The following STAG1 variants were observed in gnomAD, a reference collection of about 807,000 sequenced individuals.
The protein encoded by STAG1 is STAG1 cohesin complex component, also known as cohesin subunit SA-1.
In STAG1, 26 loss-of-function variants were observed where a neutral mutation model predicts 170.9. The observed-to-expected ratio is 0.15, with a 90% CI of 0.11 to 0.21. The LOEUF (loss-of-function observed/expected upper bound fraction) is 0.21. Among genes scored for constraint, STAG1 ranks in the 10% least tolerant of loss-of-function variants. The pLI, the probability that STAG1 is intolerant of heterozygous loss-of-function variation, is 1.00. For missense variants in STAG1, 964 were observed against 1,509.5 expected (o/e 0.64, Z 5.99); for synonymous variants, 514 against 497.7 (o/e 1.03, Z -0.44).
chr3:136,429,705 A>G (rs1386512519), intron 16 of STAG1, among the ~76,000 whole-genome samples: 3 of 152,170 alleles, frequency 2.0e-5, no homozygotes, highest in Non-Finnish European at 2.9e-5. Context: ...GTAAAGTTAC[A>G]GTGAGTGTAC....
At chr3:136,455,887 T>A (rs1194035182) in intron 13 of STAG1, among the ~76,000 whole-genome samples, 2 of 152,128 alleles carry the variant, frequency 1.3e-5, no homozygotes, top group African/African-American at 4.8e-5. Flanking sequence ...GTGTTTAAGC[T>A]CCAGTACTAA....
chr3:136,375,997 T>TAAATAAATAAAA (rs1937582122), intron 23 of STAG1, among the ~76,000 whole-genome samples: 1 of 60,948 alleles, frequency 1.6e-5, no homozygotes, highest in African/African-American at 4.1e-5. Flanking sequence ...AATAAATAAA[T>TAAATAAATAAAA]AAATAAATAA....
At chr3:136,378,012 T>A (rs188913898) in intron 22 of STAG1, among the ~76,000 whole-genome samples, 1 of 152,346 alleles carries the variant, frequency 6.6e-6, no homozygotes, top group East Asian at 1.9e-4. Flanking sequence ...ATTTCCTTTA[T>A]AAATATGGTT....
chr3:136,619,574 T>C (rs1939748438), intron 3 of STAG1, among the ~76,000 whole-genome samples: 1 of 151,416 alleles, frequency 6.6e-6, no homozygotes, highest in Non-Finnish European at 1.5e-5. Context: ...CTGGCCAACA[T>C]GGTGAAACCC....
intron 1 of STAG1, among the ~76,000 whole-genome samples, chr3:136,637,871 CA>C (rs1477210995): frequency 1.0e-4 from 15 of 150,718 alleles, no homozygotes; most frequent in African/African-American, 3.4e-4. Context: ...TGTGTGAACA[CA>C]TTTTTTTTTT....
intron 4 of STAG1, among the ~76,000 whole-genome samples, chr3:136,579,679 G>GA (rs1272922191): frequency 2.6e-5 from 4 of 152,130 alleles, no homozygotes; most frequent in African/African-American, 9.7e-5. Flanking sequence ...TGACTGCCCT[G>GA]AAACTTTATT....
intron 1 of STAG1, among the ~76,000 whole-genome samples, chr3:136,697,303 G>A (rs1433717772): frequency 1.3e-5 from 2 of 152,058 alleles, no homozygotes; most frequent in Admixed American, 6.5e-5. Context: ...CCCAGTCAGG[G>A]TACAGTTCTC....
At chr3:136,454,081 C>A (rs1031388834) in intron 13 of STAG1, among the ~76,000 whole-genome samples, 3 of 152,052 alleles carry the variant, frequency 2.0e-5, no homozygotes, top group Admixed American at 1.3e-4. Context: ...TCCCTGATAA[C>A]TGAAATATAC....
At chr3:136,386,577 G>A (rs534353667) in intron 22 of STAG1, among the ~76,000 whole-genome samples, 1 of 152,158 alleles carries the variant, frequency 6.6e-6, no homozygotes, top group African/African-American at 2.4e-5. Context: ...GAAAGGTAAG[G>A]GAGTTTAATA....
intron 1 of STAG1, among the ~76,000 whole-genome samples, chr3:136,714,631 G>C (rs1041397724): frequency 3.9e-5 from 6 of 151,930 alleles, no homozygotes; most frequent in Non-Finnish European, 7.4e-5. Flanking sequence ...GGGAGGCTGA[G>C]GCAGGAGAAT....
chr3:136,396,545 T>G (rs1576425073), intron 22 of STAG1, among the ~76,000 whole-genome samples: 1 of 84,244 alleles, frequency 1.2e-5, no homozygotes, highest in Admixed American at 1.8e-4. Flanking sequence ...TTTTTTTTTT[T>G]TGGAGACAGT....
intron 1 of STAG1, among the ~76,000 whole-genome samples, chr3:136,727,558 TA>T (rs771960151): frequency 2.6e-5 from 4 of 152,206 alleles, no homozygotes. Flanking sequence ...CTCGCCCCTT[TA>T]ATCTACCACC....
At position 136,660,066 on chromosome 3, in the gene STAG1, T is replaced by C. The variant is rs374817210; in HGVS notation, c.-83-29085A>G. Among the ~76,000 whole-genome samples the C allele has an allele frequency of 3.2e-4, 48 of 152,358 alleles. No individual in the cohort carries two copies. The South Asian group carries it at 9.1e-3, about 29-fold the overall frequency. On this transcript the variant is annotated intron_variant, in intron 1 of 33. Coordinates refer to ENST00000383202, the MANE Select transcript of STAG1 (RefSeq NM_005862.3). ...AATGTTTTTCAACATACATGCAGCA[T>C]GTGCGTGTGCGCATGTGTGTCTGTA...
chr3:136,618,637 C>T (rs533049914), intron 3 of STAG1, among the ~76,000 whole-genome samples: 79 of 152,232 alleles, frequency 5.2e-4, no homozygotes, highest in Non-Finnish European at 3.2e-4. Context: ...TAGAGAGGTG[C>T]TGATTTACAT....
In STAG1 at chr3:136,340,508, T is replaced by G; in HGVS notation, c.3655A>C (p.Thr1219Pro). The G allele has an allele frequency of 6.2e-7, 1 of 1,606,402 alleles. No homozygotes were observed. Among genetic ancestry groups the G allele is most frequent in the Non-Finnish European group, 8.5e-7 (1 of 1,172,980 alleles). The change falls in exon 32 of 34, where the codon ACC becomes CCC. Residue 1219 changes from threonine (T) to proline (P), a missense_variant. By Grantham distance (38) the Thr-to-Pro change is conservative (BLOSUM62 -1). Coordinates refer to ENST00000383202, the MANE Select transcript of STAG1 (RefSeq NM_005862.3). Reference sequence around the variant, plus strand: ...TTCTCTACCAGATCAATAACCATGGTGTCCTCAAATTCTTCATTCATATCT... The same window carrying G: ...TTCTCTACCAGATCAATAACCATGGGGTCCTCAAATTCTTCATTCATATCT... The part of the protein sequence containing the change: ...LEDMNEEFED[T>P]MVIDLPPSRN...
chr3:136,735,924 CA>C (rs1934309008), intron 1 of STAG1, among the ~76,000 whole-genome samples: 2 of 152,186 alleles, frequency 1.3e-5, no homozygotes. Flanking sequence ...GCGTAGGCCT[CA>C]TGCCACGCTG....
rs567858628 is a variant in STAG1 at position 136,577,352 on chromosome 3, A to G, written c.298-8491T>C. 2.2e-4 allele frequency among the ~76,000 whole-genome samples: 34 copies of G among 152,332 alleles called. No homozygotes were observed. In the South Asian group the frequency reaches 6.0e-3, roughly 27 times the overall value. ...ATAAAATCTAATTGTATCAGAGGCA[A>G]TAACAGTTTAATTCAGTCTCACCAA... is the stretch of plus-strand genomic sequence containing the variant. On this transcript the variant is annotated intron_variant, in intron 4 of 33. Transcript: ENST00000383202.
chr3:136,648,839 T>C (rs898841388), intron 1 of STAG1, among the ~76,000 whole-genome samples: 3 of 152,192 alleles, frequency 2.0e-5, no homozygotes, highest in African/African-American at 7.2e-5. Flanking sequence ...AATAGTCTCC[T>C]AGTCTTCTTG....
chr3:136,649,085 G>A (rs1480532681), intron 1 of STAG1, among the ~76,000 whole-genome samples: 2 of 152,102 alleles, frequency 1.3e-5, no homozygotes, highest in Non-Finnish European at 2.9e-5. Context: ...TATACTTGTA[G>A]TTCATCCCAA....
Sources: gnomAD v4.1 joint callset for allele counts (sites outside exome capture counted in the v4.1 genomes callset) on GRCh38, gnomAD v4.1.1 for gene constraint, MANE v1.5 for transcripts, NCBI Gene and HGNC (gene_info 2026-07-23, HGNC 2026-07-21) for gene names.